Variants in ARNT2 observed in about 807,000 individuals in gnomAD.
ARNT2 encodes the protein ARNT protein 2.
ARNT2 carries 36 observed loss-of-function variants against 91.7 expected under a neutral mutation model. That is an observed-to-expected ratio of 0.39 (90% CI 0.30 to 0.52). The LOEUF (loss-of-function observed/expected upper bound fraction) is 0.52, where lower values mean the gene tolerates loss of function less well. Ranked by LOEUF, ARNT2 falls within the 20% of genes least tolerant of loss-of-function variation. ARNT2 has a pLI of 0.72. For synonymous variants in ARNT2, 365 were observed against 347.1 expected (o/e 1.05, Z -0.57); for missense variants, 775 against 939.3 (o/e 0.83, Z 2.29).
intron 12 of ARNT2, among the ~76,000 whole-genome samples, chr15:80,566,909 T>C (rs1267605651): frequency 6.6e-6 from 1 of 152,224 alleles, no homozygotes; most frequent in Non-Finnish European, 1.5e-5. Context: ...TATTTTACTA[T>C]TTTCTATTCT....
At chr15:80,524,579 G>A (rs1897604527) in intron 8 of ARNT2, among the ~76,000 whole-genome samples, 1 of 152,128 alleles carries the variant, frequency 6.6e-6, no homozygotes, top group South Asian at 2.1e-4. Flanking sequence ...TAGAGGCTAT[G>A]TAAGAACAAA....
intron 8 of ARNT2, among the ~76,000 whole-genome samples, chr15:80,546,577 C>T (rs1897994484): frequency 6.6e-6 from 1 of 152,220 alleles, no homozygotes; most frequent in Non-Finnish European, 1.5e-5. Context: ...CTGAGGTAGA[C>T]ATTTTCAGTA....
intron 1 of ARNT2, among the ~76,000 whole-genome samples, chr15:80,428,617 C>T (rs764559765): frequency 3.3e-5 from 5 of 152,214 alleles, no homozygotes; most frequent in African/African-American, 7.2e-5. Flanking sequence ...AGACTTTAAG[C>T]CAGTCTTCCA....
intron 12 of ARNT2, among the ~76,000 whole-genome samples, chr15:80,573,284 A>T (rs1898615322): frequency 6.6e-6 from 1 of 152,218 alleles, no homozygotes; most frequent in Admixed American, 6.5e-5. Context: ...TGTATCTATT[A>T]TATATACGTT....
At chr15:80,560,436 T>C (rs941173856) in intron 11 of ARNT2, among the ~76,000 whole-genome samples, 1 of 152,198 alleles carries the variant, frequency 6.6e-6, no homozygotes, top group African/African-American at 2.4e-5. Flanking sequence ...AGCCTATAAC[T>C]TGGACCCAGG....
At chr15:80,574,356 C>CCCCAGGGGACCTG in intron 13 of ARNT2, 136 bp downstream of exon 13, 4 of 807,772 alleles carry the variant, frequency 5.0e-6, no homozygotes, top group African/African-American at 1.7e-5. Context: ...AAGAGCAGAC[C>CCCCAGGGGACCTG]TACAGGTCCC....
intron 12 of ARNT2, among the ~76,000 whole-genome samples, chr15:80,567,905 G>A (rs1233989610): frequency 6.6e-6 from 1 of 152,268 alleles, no homozygotes; most frequent in East Asian, 1.9e-4. Context: ...AATTTGTGAG[G>A]CGAAACTTTG....
At chr15:80,527,136 C>T (rs1355771886) in intron 8 of ARNT2, among the ~76,000 whole-genome samples, 2 of 152,256 alleles carry the variant, frequency 1.3e-5, no homozygotes, top group Non-Finnish European at 2.9e-5. Flanking sequence ...GGCAAAGCCA[C>T]TCTTCCATTT....
At chr15:80,513,333 C>G (rs949379015) in intron 6 of ARNT2, among the ~76,000 whole-genome samples, 6 of 152,182 alleles carry the variant, frequency 3.9e-5, no homozygotes, top group Admixed American at 2.6e-4. Context: ...AGACCGGATT[C>G]TCTACCTGTT....
rs374168526 is a variant in ARNT2 at position 80,581,233 on chromosome 15, T to C, written c.1753-6T>C. On this transcript the variant is annotated splice_polypyrimidine_tract_variant and splice_region_variant and intron_variant, in intron 16 of 18. Coordinates refer to ENST00000303329, the MANE Select transcript of ARNT2 (RefSeq NM_014862.4). ...TTTCCATCTCTTTGCTTTGTCCTGA[T>C]TGTAGCAAATCCCATCTCAGTCCAG... 3.7e-6 allele frequency: 6 copies of C among 1,614,068 alleles called. No individual in the cohort carries two copies. The Admixed American group carries it at 8.3e-5, about 22-fold the overall frequency.
At chr15:80,433,669 G>A (rs1309784667) in intron 1 of ARNT2, 2 of 152,190 alleles carry the variant, frequency 1.3e-5, no homozygotes, top group African/African-American at 4.8e-5. Context: ...GAGGGGCAAA[G>A]GGAAAGCCTC....
At chr15:80,480,008 G>C (rs1896862359) in intron 5 of ARNT2, among the ~76,000 whole-genome samples, 1 of 152,190 alleles carries the variant, frequency 6.6e-6, no homozygotes. Flanking sequence ...GGTGGTATTG[G>C]AGGAGCTCCT....
At chr15:80,587,411 G>A (rs932989728) in intron 17 of ARNT2, among the ~76,000 whole-genome samples, 3 of 151,962 alleles carry the variant, frequency 2.0e-5, no homozygotes, top group African/African-American at 4.8e-5. Flanking sequence ...TTTGGTGGGG[G>A]GGTGGGGTTG....
intron 1 of ARNT2, among the ~76,000 whole-genome samples, chr15:80,416,033 T>G (rs1192819791): frequency 1.3e-5 from 2 of 152,184 alleles, no homozygotes; most frequent in African/African-American, 4.8e-5. Flanking sequence ...TTCAGTAAGG[T>G]CTGGCACACA....
intron 1 of ARNT2, among the ~76,000 whole-genome samples, chr15:80,425,407 A>G (rs1895918854): frequency 6.6e-6 from 1 of 152,218 alleles, no homozygotes; most frequent in Non-Finnish European, 1.5e-5. Flanking sequence ...AAGAAATATC[A>G]TATACTAAAA....
intron 3 of ARNT2, among the ~76,000 whole-genome samples, chr15:80,462,677 C>T (rs1320879225): frequency 6.6e-6 from 1 of 152,222 alleles, no homozygotes; most frequent in African/African-American, 2.4e-5. Flanking sequence ...GGCTTCCTGG[C>T]CTCTCTTTAA....
At chr15:80,457,418 C>T (rs1204749094) in intron 2 of ARNT2, among the ~76,000 whole-genome samples, 2 of 152,218 alleles carry the variant, frequency 1.3e-5, no homozygotes, top group Non-Finnish European at 2.9e-5. Flanking sequence ...AGCAGTACAA[C>T]CGGTAGTATT....
intron 18 of ARNT2, 79 bp from the exon 19 acceptor site, chr15:80,593,521 G>C (rs896530703): frequency 5.8e-6 from 7 of 1,204,044 alleles, no homozygotes; most frequent in Admixed American, 2.0e-5. Context: ...GGTGAGTGCA[G>C]ACTGGGCTCC....
chr15:80,535,451 G>A (rs1464308453), intron 8 of ARNT2, among the ~76,000 whole-genome samples: 1 of 152,178 alleles, frequency 6.6e-6, no homozygotes, highest in East Asian at 1.9e-4. Flanking sequence ...CTGATAGTTT[G>A]TGGGGGAGAG....
Sources: allele counts gnomAD v4.1 joint callset (sites outside exome capture counted in the v4.1 genomes callset), GRCh38; gene constraint gnomAD v4.1.1; transcripts MANE v1.5; gene names NCBI Gene and HGNC (gene_info 2026-07-23, HGNC 2026-07-21).